The following LRRIQ3 variants were observed in gnomAD, a reference collection of about 807,000 sequenced individuals.
LRRIQ3 encodes leucine-rich repeat and IQ domain-containing protein 3.
In LRRIQ3, 75 loss-of-function variants were observed where a neutral mutation model predicts 59.3. That is an observed-to-expected ratio of 1.26 (90% CI 1.05 to 1.53). LRRIQ3 has a LOEUF of 1.53. LRRIQ3 is among the 40% of genes most tolerant of loss of function. LRRIQ3 has a pLI of 0.00. For synonymous variants in LRRIQ3, 250 were observed against 231.3 expected, an observed-to-expected ratio of 1.08 and a Z score of -0.73; for missense variants, 831 against 710.0, an observed-to-expected ratio of 1.17 and a Z score of -1.94.
At chr1:74,105,582 T>A (rs1646600119) in intron 5 of LRRIQ3, among the ~76,000 whole-genome samples, 1 of 151,988 alleles carries the variant, frequency 6.6e-6, no homozygotes, top group Non-Finnish European at 1.5e-5. Flanking sequence ...GTTATCTTGT[T>A]GCTATTTTTG....
chr1:74,085,350 A>G (rs1025919341), intron 5 of LRRIQ3, among the ~76,000 whole-genome samples: 2,455 of 149,990 alleles, frequency 0.016, 67 homozygotes, highest in African/African-American at 0.056. Context: ...ATAAAACACA[A>G]CCTGCCATAA....
chr1:74,111,167 T>C lies in LRRIQ3; in HGVS notation c.708-1614A>G, dbSNP rs111906331. 6.0e-4 allele frequency among the ~76,000 whole-genome samples: 91 copies of C among 151,870 alleles called. 2 individuals carry two copies. The highest frequency in any genetic ancestry group is 5.9e-4 in the Non-Finnish European group (40 of 67,982). ...AAAGAATGGATGTTAAAGGGAAAAG[T>C]AGTCTTCTGCAAATGCTCAATATGT... is the stretch of plus-strand genomic sequence containing the variant. On this transcript the variant is annotated intron_variant, in intron 4 of 7. Coordinates refer to ENST00000354431, the MANE Select transcript of LRRIQ3 (RefSeq NM_001105659.2).
At chr1:74,090,867 C>A (rs1051893963) in intron 5 of LRRIQ3, among the ~76,000 whole-genome samples, 3 of 151,972 alleles carry the variant, frequency 2.0e-5, no homozygotes, top group Non-Finnish European at 2.9e-5. Flanking sequence ...TCACTCCAGC[C>A]TGGGCAACAA....
intron 5 of LRRIQ3, among the ~76,000 whole-genome samples, chr1:74,081,741 A>T (rs1296824696): frequency 6.6e-6 from 1 of 151,562 alleles, no homozygotes; most frequent in Non-Finnish European, 1.5e-5. Context: ...TACGTGGATT[A>T]CATTATCTAG....
chr1:74,120,723 T>C (rs1646843053), intron 4 of LRRIQ3, among the ~76,000 whole-genome samples: 1 of 151,984 alleles, frequency 6.6e-6, no homozygotes. Context: ...TTAAAATAAA[T>C]GATAATATTT....
intron 4 of LRRIQ3, among the ~76,000 whole-genome samples, chr1:74,147,228 A>G (rs1647633402): frequency 6.6e-6 from 1 of 152,208 alleles, no homozygotes; most frequent in African/African-American, 2.4e-5. Context: ...ACTCTGCATC[A>G]AAAGAAAAGA....
intron 4 of LRRIQ3, among the ~76,000 whole-genome samples, chr1:74,129,028 C>T (rs1646974543): frequency 6.6e-6 from 1 of 151,986 alleles, no homozygotes; most frequent in Non-Finnish European, 1.5e-5. Flanking sequence ...CTGTGGCCAC[C>T]ACCACTGGAA....
At chr1:74,145,259 C>A (rs1446618405) in intron 4 of LRRIQ3, among the ~76,000 whole-genome samples, 3 of 152,026 alleles carry the variant, frequency 2.0e-5, no homozygotes, top group African/African-American at 7.2e-5. Flanking sequence ...TGCACAAGGA[C>A]AACAAAAGGG....
At chr1:74,096,699 A>T (rs956560229) in intron 5 of LRRIQ3, among the ~76,000 whole-genome samples, 5 of 151,954 alleles carry the variant, frequency 3.3e-5, no homozygotes, top group Admixed American at 6.6e-5. Flanking sequence ...TTGGTCTTTG[A>T]TGATGGTGAC....
chr1:74,076,757 G>A (rs530248882), intron 5 of LRRIQ3, among the ~76,000 whole-genome samples: 1 of 152,096 alleles, frequency 6.6e-6, no homozygotes, highest in East Asian at 1.9e-4. Context: ...GTGACTCATA[G>A]GGTAAGGGCT....
intron 4 of LRRIQ3, among the ~76,000 whole-genome samples, chr1:74,133,406 T>C (rs1274958292): frequency 2.0e-5 from 3 of 152,068 alleles, no homozygotes; most frequent in Non-Finnish European, 2.9e-5. Context: ...TAAAGACACA[T>C]GCACATGTAT....
In LRRIQ3 at chr1:74,154,240, CAAAAAAAAAAAAAAAAAAAAAA is replaced by C. The variant is rs71078186; in HGVS notation, c.707+1471_707+1492del. On this transcript the variant is annotated intron_variant, in intron 4 of 7. Transcript: ENST00000354431. ...TGGGCGACAGAGCGAGACTCCTTCTCAAAAAAAAAAAAAAAAAAAAAAAAAAAAAAAAAAAAAAATGTAATAT... is the reference window on the plus strand; with the variant it reads ...TGGGCGACAGAGCGAGACTCCTTCTCAAAAAAAAAAAAAAAAATGTAATAT... Among the ~76,000 whole-genome samples the C allele has an allele frequency of 6.0e-3, 345 of 57,282 alleles. 3 individuals carry two copies. Among genetic ancestry groups the C allele is most frequent in the African/African-American group, 0.024 (324 of 13,734 alleles). The allele number at this position is 57,282 out of a possible 152,430, so 37.6% of individuals were successfully genotyped here.
In LRRIQ3 at chr1:74,041,854, GTA is replaced by G. The variant is rs1654058136; in HGVS notation, c.1075_1076del (p.Tyr359HisfsTer8). 1 of 1,611,748 alleles carries G rather than the reference GTA, an allele frequency of 6.2e-7. No individual in the cohort carries two copies. The highest frequency in any genetic ancestry group is 8.5e-7 in the Non-Finnish European group (1 of 1,179,292). ...CATTATTCTTCAATGAACCTGAAGT[GTA>G]TATGGGTAGTTTGAAAACTGATATC... is the stretch of plus-strand genomic sequence containing the variant. ...FRISVFKLPI[Y>X]TSGSLKNNAV... On this transcript the variant is annotated frameshift_variant, in exon 7 of 8. Coordinates refer to ENST00000354431, the MANE Select transcript of LRRIQ3 (RefSeq NM_001105659.2). LOFTEE classifies it high-confidence loss of function.
In LRRIQ3 at chr1:74,104,713, G is replaced by A. The variant is rs1377510811; in HGVS notation, c.867+4681C>T. ...CAGAGTACAAAGAATTTTTAGGAGA[G>A]TGAAACAATTCTGTATACTACAATA... On this transcript the variant is annotated intron_variant, in intron 5 of 7. Transcript: ENST00000354431. Among the ~76,000 whole-genome samples the A allele has an allele frequency of 3.3e-5, 5 of 151,978 alleles. No individual in the cohort carries two copies. In the East Asian group the frequency reaches 9.7e-4, roughly 29 times the overall value.
chr1:74,140,985 C>A (rs954899028), intron 4 of LRRIQ3, among the ~76,000 whole-genome samples: 3 of 151,636 alleles, frequency 2.0e-5, no homozygotes. Context: ...ACAACCTCAC[C>A]CAATCAGAAT....
chr1:74,135,140 A>G (rs1326139562), intron 4 of LRRIQ3, among the ~76,000 whole-genome samples: 1 of 151,926 alleles, frequency 6.6e-6, no homozygotes, highest in Non-Finnish European at 1.5e-5. Context: ...AAGATAAAAT[A>G]TGTTACTGAA....
chr1:74,190,209 C>A (rs949099582), intron 1 of LRRIQ3, among the ~76,000 whole-genome samples: 4 of 152,034 alleles, frequency 2.6e-5, no homozygotes, highest in African/African-American at 9.7e-5. Context: ...TTGGAAATAT[C>A]AGACTGGGAA....
intron 5 of LRRIQ3, among the ~76,000 whole-genome samples, chr1:74,076,788 G>A (rs1317878910): frequency 6.6e-6 from 1 of 152,008 alleles, no homozygotes; most frequent in Non-Finnish European, 1.5e-5. Flanking sequence ...CATTATAGGT[G>A]TTAAGTATCA....
rs777483975 is a variant in LRRIQ3 at position 74,041,301 on chromosome 1, C to T, written c.1630G>A (p.Val544Ile). 6.2e-7 allele frequency: 1 copy of T among 1,613,234 alleles called. No homozygotes were observed. Among genetic ancestry groups the T allele is most frequent in the Non-Finnish European group, 8.5e-7 (1 of 1,179,674 alleles). The change falls in exon 7 of 8, where the codon GTC (valine) becomes ATC (isoleucine). Residue 544 changes from valine to isoleucine, a missense_variant. Transcript: ENST00000354431. ...ACAATCAGGCTTTTCTCTTTTAGGA[C>T]AGCCTCATTCTTCTCCAGTCTGTCA... ...KIDRLEKNEA[V>I]LKEKSLIVKQ... is the part of the protein sequence containing the mutation.
Sources: gnomAD v4.1 joint callset for allele counts (sites outside exome capture counted in the v4.1 genomes callset) on GRCh38, gnomAD v4.1.1 for gene constraint, MANE v1.5 for transcripts, NCBI Gene and HGNC (gene_info 2026-07-23, HGNC 2026-07-21) for gene names.